The following PTPRG variants were observed in gnomAD, a reference collection of about 807,000 sequenced individuals.
The protein encoded by PTPRG is protein tyrosine phosphatase receptor type G, also known as receptor-type tyrosine-protein phosphatase gamma.
In PTPRG, 102 loss-of-function variants were observed where a neutral mutation model predicts 165.3. The observed-to-expected ratio is 0.62, with a 90% confidence interval of 0.53 to 0.73. The LOEUF is 0.73. Among genes scored for constraint, PTPRG ranks in the 30% least tolerant of loss-of-function variants. The pLI is 0.00. For missense variants in PTPRG, 1,866 were observed against 1,861.4 expected (o/e 1.00, Z -0.05); for synonymous variants, 675 against 669.5 (o/e 1.01, Z -0.13).
At chr3:61,892,708 C>G (rs1005183215) in intron 2 of PTPRG, among the ~76,000 whole-genome samples, 2 of 151,750 alleles carry the variant, frequency 1.3e-5, no homozygotes, top group African/African-American at 4.8e-5. Context: ...CCCAGCTACT[C>G]AGGAGGCTGA....
rs189308119 is a variant in PTPRG at position 61,789,477 on chromosome 3, A to T, written c.190+40495A>T. 3.4e-4 allele frequency among the ~76,000 whole-genome samples: 52 copies of T among 152,294 alleles called. 1 individual carries two copies. The East Asian group carries it at 9.3e-3, about 27-fold the overall frequency. On this transcript the variant is annotated intron_variant, in intron 2 of 29. Transcript: ENST00000474889. ...CCTTACAGAAATTCATACTAGTTGA[A>T]TAGACCAACACACAGATGGGTAAGT... is the stretch of plus-strand genomic sequence containing the variant.
At chr3:61,760,321 T>G (rs1160449209) in intron 2 of PTPRG, among the ~76,000 whole-genome samples, 1 of 152,194 alleles carries the variant, frequency 6.6e-6, no homozygotes, top group African/African-American at 2.4e-5. Context: ...CCATACAGAT[T>G]GTTTAAAATC....
chr3:61,967,444 G>A (rs995071870), intron 2 of PTPRG, among the ~76,000 whole-genome samples: 2 of 152,122 alleles, frequency 1.3e-5, no homozygotes, highest in Non-Finnish European at 2.9e-5. Context: ...CTTGTCAGAA[G>A]TAGTAAGAAA....
In PTPRG at chr3:61,712,410, T is replaced by C. The variant is rs927758657; in HGVS notation, c.86-36468T>C. 2.0e-5 allele frequency among the ~76,000 whole-genome samples: 3 copies of C among 152,216 alleles called. No homozygotes were observed. The East Asian group carries it at 5.8e-4, about 29-fold the overall frequency. ...ATATCCCTTTCTTCCCCATTGATAT[T>C]GTTTGGCTCTGTATCTCCACCCAAA... On this transcript the variant is annotated intron_variant, in intron 1 of 29. Transcript: ENST00000474889.
chr3:62,071,227 T>C (rs1338454744), intron 4 of PTPRG, among the ~76,000 whole-genome samples: 1 of 152,208 alleles, frequency 6.6e-6, no homozygotes, highest in Non-Finnish European at 1.5e-5. Context: ...GTCATGATTT[T>C]TTTTCTTGGA....
At chr3:62,032,034 G>A (rs1456724775) in intron 4 of PTPRG, among the ~76,000 whole-genome samples, 1 of 152,198 alleles carries the variant, frequency 6.6e-6, no homozygotes, top group Non-Finnish European at 1.5e-5. Context: ...ATATGCACAT[G>A]GAAATTAATG....
At chr3:61,889,567 T>G (rs1559671817) in intron 2 of PTPRG, among the ~76,000 whole-genome samples, 1 of 152,240 alleles carries the variant, frequency 6.6e-6, no homozygotes, top group Non-Finnish European at 1.5e-5. Flanking sequence ...GTTAGTATTT[T>G]TATGTTGCCC....
intron 2 of PTPRG, among the ~76,000 whole-genome samples, chr3:61,846,875 A>G (rs2036821159): frequency 6.6e-6 from 1 of 152,160 alleles, no homozygotes; most frequent in African/African-American, 2.4e-5. Context: ...AGATGGCACC[A>G]CTGCACTCCA....
intron 6 of PTPRG, among the ~76,000 whole-genome samples, chr3:62,134,364 A>G (rs1703629192): frequency 6.6e-6 from 1 of 152,206 alleles, no homozygotes; most frequent in South Asian, 2.1e-4. Context: ...AACACTGATT[A>G]AGACACACAC....
At chr3:61,617,962 G>A (rs1013137932) in intron 1 of PTPRG, among the ~76,000 whole-genome samples, 2 of 152,146 alleles carry the variant, frequency 1.3e-5, no homozygotes, top group African/African-American at 4.8e-5. Flanking sequence ...TTAAGGAATT[G>A]AAATCTAAAA....
At chr3:61,780,169 G>A (rs758940781) in intron 2 of PTPRG, among the ~76,000 whole-genome samples, 3 of 152,168 alleles carry the variant, frequency 2.0e-5, no homozygotes, top group Non-Finnish European at 4.4e-5. Flanking sequence ...CAAAGTCAGC[G>A]TTACTATATA....
In PTPRG at chr3:62,271,156, A is replaced by G. The variant is rs975440351; in HGVS notation, c.3010-227A>G. On this transcript the variant is annotated intron_variant, in intron 20 of 29. Coordinates refer to ENST00000474889, the MANE Select transcript of PTPRG (RefSeq NM_002841.4). The surrounding 1 kb of genome is among the most constrained non-coding windows in gnomAD (Gnocchi z 4.1). ...ATACTAAATGTTCATTCTTAGTACA[A>G]TCTTAAACAGTCTTCTCTTCTAAGT... Among the ~76,000 whole-genome samples the G allele has an allele frequency of 2.0e-5, 3 of 152,220 alleles. No individual in the cohort carries two copies. The highest frequency in any genetic ancestry group is 4.8e-5 in the African/African-American group (2 of 41,472).
chr3:62,056,912 G>A (rs778109866), intron 4 of PTPRG, among the ~76,000 whole-genome samples: 1 of 152,184 alleles, frequency 6.6e-6, no homozygotes, highest in African/African-American at 2.4e-5. Context: ...TCATGGACAC[G>A]AGAAGGAGGT....
intron 4 of PTPRG, among the ~76,000 whole-genome samples, chr3:62,038,606 A>T (rs1234113774): frequency 6.6e-6 from 1 of 152,184 alleles, no homozygotes; most frequent in Non-Finnish European, 1.5e-5. Context: ...CATGTTGCCT[A>T]GGCTGGTCTT....
chr3:61,707,706 A>G (rs1342503678), intron 1 of PTPRG, among the ~76,000 whole-genome samples: 1 of 152,246 alleles, frequency 6.6e-6, no homozygotes, highest in East Asian at 1.9e-4. Flanking sequence ...AATTGACCAA[A>G]TATCTGGGCA....
In PTPRG at chr3:62,295,838, T is replaced by A. The variant is rs1174013343; in HGVS notation, c.*2531T>A. The A allele has an allele frequency of 6.6e-6, 1 of 152,130 alleles. No individual in the cohort carries two copies. The highest frequency in any genetic ancestry group is 6.6e-5 in the Admixed American group (1 of 15,250). The allele number at this position is 152,130 out of a possible 1,614,324, so 9.4% of individuals were successfully genotyped here. A position where few individuals can be genotyped will look rare whatever the true frequency, so the allele number is the denominator to read the frequency against. Reference sequence around the variant, plus strand: ...CATATCCTCACTATTATTATTCATGTGTTATTGGCAAAAACATAGCTTGCA... The same window carrying A: ...CATATCCTCACTATTATTATTCATGAGTTATTGGCAAAAACATAGCTTGCA... On this transcript the variant is annotated 3_prime_UTR_variant, in exon 30 of 30. Transcript: ENST00000474889.
chr3:61,709,971 G>A (rs1020374315), intron 1 of PTPRG, among the ~76,000 whole-genome samples: 5 of 152,158 alleles, frequency 3.3e-5, no homozygotes, highest in African/African-American at 1.2e-4. Flanking sequence ...TGATGCTGCT[G>A]TTCCTGGGAC....
intron 2 of PTPRG, among the ~76,000 whole-genome samples, chr3:61,830,275 A>G (rs111430740): frequency 1.6e-4 from 25 of 152,332 alleles, no homozygotes; most frequent in Admixed American, 6.5e-4. Flanking sequence ...CAAGACTGCT[A>G]TGCTTTGGAA....
At chr3:61,652,002 T>G (rs1702367287) in intron 1 of PTPRG, among the ~76,000 whole-genome samples, 1 of 150,442 alleles carries the variant, frequency 6.6e-6, no homozygotes, top group South Asian at 2.1e-4. Context: ...ACAGCGAGAC[T>G]TCATCTCAAT....
Sources: gnomAD v4.1 joint callset for allele counts (sites outside exome capture counted in the v4.1 genomes callset) on GRCh38, gnomAD v4.1.1 for gene constraint, Gnocchi (gnomAD v3.1) non-coding constraint, MANE v1.5 for transcripts, NCBI Gene and HGNC (gene_info 2026-07-23, HGNC 2026-07-21) for gene names.